The following CHSY1 variants were observed in gnomAD, a reference collection of about 807,000 sequenced individuals.
CHSY1 encodes N-acetylgalactosaminyl-proteoglycan 3-beta-glucuronosyltransferase 1.
A neutral mutation model predicts 59.8 loss-of-function variants in CHSY1; 13 were observed. That is an observed-to-expected ratio of 0.22 (90% CI 0.14 to 0.35). CHSY1 has a LOEUF of 0.35. Among genes scored for constraint, CHSY1 ranks in the 10% least tolerant of loss-of-function variants. CHSY1 has a pLI of 1.00. For synonymous variants in CHSY1, 459 were observed against 401.2 expected (o/e 1.14, Z -1.72); for missense variants, 947 against 1,030.6 (o/e 0.92, Z 1.11).
chr15:101,195,854 G>T (rs2141250179), intron 2 of CHSY1, among the ~76,000 whole-genome samples: 1 of 150,800 alleles, frequency 6.6e-6, no homozygotes, highest in South Asian at 2.1e-4. Flanking sequence ...TGTCTCCAGG[G>T]AGGAGGTAAT....
In CHSY1 at chr15:101,235,339, T is replaced by G; in HGVS notation, c.559A>C (p.Ser187Arg). 6.2e-7 allele frequency: 1 copy of G among 1,614,194 alleles called. No individual in the cohort carries two copies. Among genetic ancestry groups the G allele is most frequent in the South Asian group, 1.1e-5 (1 of 91,082 alleles). Residue 187 changes from serine to arginine, a missense_variant, in exon 2 of 3, where the codon AGT becomes CGT. Ser to Arg is a moderately radical substitution (Grantham distance 110). Around this residue, in one of 4 missense-constraint regions of CHSY1, gnomAD observed 108 missense variants for 144.4 expected, o/e 0.75. Transcript: ENST00000254190. ...AAGAGGGGCTCGCTGCTGTTCAAAC[T>G]CCTCAGGAAGTTCTCCAGACGGTCT... ...KGDRLENFLR[S>R]LNSSEPLFLG...
chr15:101,205,085 G>A (rs906331057), intron 2 of CHSY1, among the ~76,000 whole-genome samples: 2 of 152,096 alleles, frequency 1.3e-5, no homozygotes, highest in South Asian at 2.1e-4. Context: ...GAAGCATAAA[G>A]CAAGAAGTTT....
chr15:101,191,021 C>G (rs928270703), intron 2 of CHSY1, among the ~76,000 whole-genome samples: 5 of 152,158 alleles, frequency 3.3e-5, no homozygotes, highest in Admixed American at 2.6e-4. Flanking sequence ...CAGTTTCCTA[C>G]AAAACTAAAC....
chr15:101,201,237 T>C (rs2038571486), intron 2 of CHSY1, among the ~76,000 whole-genome samples: 1 of 152,224 alleles, frequency 6.6e-6, no homozygotes, highest in Non-Finnish European at 1.5e-5. Flanking sequence ...TCTGAGATTG[T>C]AATGCATGTC....
chr15:101,229,874 T>G (rs1374064773), intron 2 of CHSY1, among the ~76,000 whole-genome samples: 1 of 151,626 alleles, frequency 6.6e-6, no homozygotes, highest in East Asian at 1.9e-4. Flanking sequence ...GCCACTGCAC[T>G]CCAGCCTGGG....
intron 2 of CHSY1, among the ~76,000 whole-genome samples, chr15:101,225,616 T>G (rs1168185491): frequency 6.6e-6 from 1 of 152,088 alleles, no homozygotes. Flanking sequence ...CCCCCTCCCC[T>G]TGCTCCCACT....
chr15:101,199,547 A>G (rs1007710361), intron 2 of CHSY1, among the ~76,000 whole-genome samples: 18 of 152,308 alleles, frequency 1.2e-4, no homozygotes, highest in African/African-American at 4.3e-4. Context: ...ATTTCAGATG[A>G]AACAGTTCTG....
In CHSY1 at chr15:101,178,087, C is replaced by T. The variant is rs762538148; in HGVS notation, c.1710G>A (p.Leu570=). ...CAGGGTTGGAGTCAGAATTGAAAAG[C>T]AGAACCACGAGCTTGACGTTCTGAT... ...IPNQNVKLVV[L]LFNSDSNPDK... The change falls in exon 3 of 3, where the codon CTG becomes CTA. Residue 570 remains leucine (L), a synonymous_variant. Coordinates refer to ENST00000254190, the MANE Select transcript of CHSY1 (RefSeq NM_014918.5). 1.2e-5 allele frequency: 19 copies of T among 1,614,062 alleles called. No homozygotes were observed. Among genetic ancestry groups the T allele is most frequent in the Admixed American group, 1.0e-4 (6 of 59,990 alleles).
At chr15:101,195,222 T>C (rs1234725793) in intron 2 of CHSY1, among the ~76,000 whole-genome samples, 1 of 152,238 alleles carries the variant, frequency 6.6e-6, no homozygotes, top group Non-Finnish European at 1.5e-5. Flanking sequence ...CATATTCACA[T>C]ATAAGATTAC....
intron 2 of CHSY1, among the ~76,000 whole-genome samples, chr15:101,227,844 C>G (rs111403558): frequency 6.6e-6 from 1 of 152,056 alleles, no homozygotes; most frequent in Non-Finnish European, 1.5e-5. Context: ...TAGAGACTTC[C>G]GTGGCCACAT....
In CHSY1 at chr15:101,176,304, A is replaced by G. The variant is rs1003594015; in HGVS notation, c.*1084T>C. On this transcript the variant is annotated 3_prime_UTR_variant, in exon 3 of 3. Transcript: ENST00000254190. ...AAGAATGAAAACCATCTCCACCCAC[A>G]TAACACAGACAGGATGAAAGGAACA... The G allele has an allele frequency of 5.0e-6, 2 of 398,462 alleles. No homozygotes were observed. Among genetic ancestry groups the G allele is most frequent in the East Asian group, 7.1e-5 (2 of 28,068 alleles). 24.7% of individuals were successfully genotyped at this position (398,462 alleles called of 1,614,324 possible). A position where few individuals can be genotyped will look rare whatever the true frequency, so the allele number is the denominator to read the frequency against.
chr15:101,223,523 TAC>T (rs2038811227), intron 2 of CHSY1, among the ~76,000 whole-genome samples: 2 of 151,864 alleles, frequency 1.3e-5, no homozygotes, highest in Admixed American at 6.6e-5. Context: ...TCTCATCTAC[TAC>T]AGAGTACTTC....
At chr15:101,191,991 G>A (rs532635634) in intron 2 of CHSY1, among the ~76,000 whole-genome samples, 13 of 152,012 alleles carry the variant, frequency 8.6e-5, no homozygotes, top group Non-Finnish European at 1.8e-4. Flanking sequence ...TAAAATGCAA[G>A]TAATTAATAA....
At chr15:101,180,379 T>C (rs1235334590) in intron 2 of CHSY1, among the ~76,000 whole-genome samples, 1 of 152,202 alleles carries the variant, frequency 6.6e-6, no homozygotes, top group African/African-American at 2.4e-5. Context: ...ACACCGCTTA[T>C]GCTCCCCACA....
In CHSY1 at chr15:101,251,376, G is replaced by A. The variant is rs1449470223; in HGVS notation, c.81C>T (p.Val27=). ...VLGFVLASRL[V]LPRASELKRA... ...GCTTCAGCTCGGAAGCCCGGGGCAG[G>A]ACGAGCCGCGAGGCCAGCACGAAGC... is the stretch of plus-strand genomic sequence containing the variant. The change falls in exon 1 of 3, where the codon GTC becomes GTT. Residue 27 remains valine, a synonymous_variant. Coordinates refer to ENST00000254190, the MANE Select transcript of CHSY1 (RefSeq NM_014918.5). 1 of 1,166,618 alleles carries A rather than the reference G, an allele frequency of 8.6e-7. No homozygotes were observed. The highest frequency in any genetic ancestry group is 1.1e-6 in the Non-Finnish European group (1 of 926,658). 72.3% of individuals were successfully genotyped at this position (1,166,618 alleles called of 1,614,324 possible). A position where few individuals can be genotyped will look rare whatever the true frequency, so the allele number is the denominator to read the frequency against.
chr15:101,219,828 G>A lies in CHSY1; in HGVS notation c.816+15254C>T, dbSNP rs573452473. On this transcript the variant is annotated intron_variant, in intron 2 of 2. Coordinates refer to ENST00000254190, the MANE Select transcript of CHSY1 (RefSeq NM_014918.5). ...TTTGCCCAGGCTGGAGTGCAATGGC[G>A]TGATCTTGGCTCACAGCAACCTCCA... Among the ~76,000 whole-genome samples the A allele has an allele frequency of 7.9e-5, 12 of 152,292 alleles. 1 individual carries two copies. In the East Asian group the frequency reaches 1.9e-3, roughly 24 times the overall value.
Position 101,206,104 on chromosome 15 carries a change from A to T in CHSY1, c.817-27124T>A, listed in dbSNP as rs540450744. ...ATTTGATTTTTGATATATGCTTCAT[A>T]ACGTTTGCAATACTAAATGAGAAGT... On this transcript the variant is annotated intron_variant, in intron 2 of 2. Coordinates refer to ENST00000254190, the MANE Select transcript of CHSY1 (RefSeq NM_014918.5). Among the ~76,000 whole-genome samples the T allele has an allele frequency of 5.9e-5, 9 of 152,346 alleles. No individual in the cohort carries two copies. In the South Asian group the frequency reaches 1.7e-3, roughly 28 times the overall value.
chr15:101,228,694 T>A (rs1048837391), intron 2 of CHSY1, among the ~76,000 whole-genome samples: 1 of 152,196 alleles, frequency 6.6e-6, no homozygotes, highest in Non-Finnish European at 1.5e-5. Context: ...AAGGAATTCA[T>A]CTCTAGCAAA....
intron 2 of CHSY1, among the ~76,000 whole-genome samples, chr15:101,232,383 A>T (rs2038900848): frequency 6.6e-6 from 1 of 152,256 alleles, no homozygotes. Flanking sequence ...TAAACCTAAT[A>T]ACAACTTAGG....
Sources: allele counts gnomAD v4.1 joint callset (sites outside exome capture counted in the v4.1 genomes callset), GRCh38; gene constraint gnomAD v4.1.1; regional missense constraint gnomAD v4.1.1; transcripts MANE v1.5; gene names NCBI Gene and HGNC (gene_info 2026-07-23, HGNC 2026-07-21).